RPH3A: variants seen among roughly 807,000 people sequenced by gnomAD.
RPH3A encodes rabphilin-3A.
Under a neutral mutation model 102.2 loss-of-function variants are expected in RPH3A, and 48 were observed. The ratio of observed to expected loss-of-function variants is 0.47; its 90% CI spans 0.37 to 0.60. The LOEUF is 0.60. RPH3A is among the 20% of genes least tolerant of loss of function. RPH3A has a pLI of 0.00. For synonymous variants in RPH3A, 310 were observed against 324.3 expected, an observed-to-expected ratio of 0.96 and a Z score of 0.47; for missense variants, 781 against 910.1, an observed-to-expected ratio of 0.86 and a Z score of 1.83.
At chr12:112,665,347 C>G (rs2040077051) in intron 1 of RPH3A, among the ~76,000 whole-genome samples, 1 of 152,132 alleles carries the variant, frequency 6.6e-6, no homozygotes, top group African/African-American at 2.4e-5. Flanking sequence ...AGAAACAATC[C>G]AACCCTATCT....
intron 1 of RPH3A, among the ~76,000 whole-genome samples, chr12:112,604,795 C>T (rs1338290722): frequency 6.6e-6 from 1 of 152,164 alleles, no homozygotes; most frequent in Non-Finnish European, 1.5e-5. Flanking sequence ...ATGGCACACT[C>T]ACATGATTGT....
At chr12:112,794,891 TG>T (rs1247181611) in intron 2 of RPH3A, among the ~76,000 whole-genome samples, 1 of 152,202 alleles carries the variant, frequency 6.6e-6, no homozygotes, top group Non-Finnish European at 1.5e-5. Context: ...TGTTCAGCAG[TG>T]TCTCTCCAGC....
chr12:112,692,418 T>G (rs1373075402), intron 1 of RPH3A, among the ~76,000 whole-genome samples: 2 of 152,150 alleles, frequency 1.3e-5, no homozygotes, highest in Non-Finnish European at 2.9e-5. Flanking sequence ...GCATTATATA[T>G]CCCGTAAATA....
intron 1 of RPH3A, among the ~76,000 whole-genome samples, chr12:112,662,854 G>A (rs570044165): frequency 1.6e-3 from 243 of 152,216 alleles, no homozygotes; most frequent in Middle Eastern, 0.01. Flanking sequence ...AATCATGGTG[G>A]CCCATTCTTC....
At chr12:112,627,607 G>A (rs1224558929) in intron 1 of RPH3A, among the ~76,000 whole-genome samples, 1 of 152,076 alleles carries the variant, frequency 6.6e-6, no homozygotes, top group Non-Finnish European at 1.5e-5. Context: ...ACTAGAGAAA[G>A]ATCCCTGCTC....
chr12:112,580,419 T>C (rs1395158787), intron 1 of RPH3A, among the ~76,000 whole-genome samples: 1 of 136,988 alleles, frequency 7.3e-6, no homozygotes, highest in Non-Finnish European at 1.6e-5. Context: ...TTTTTTTTTT[T>C]CTGAGATGGA....
intron 2 of RPH3A, among the ~76,000 whole-genome samples, chr12:112,796,273 G>A (rs1054135437): frequency 2.6e-5 from 4 of 152,128 alleles, no homozygotes; most frequent in African/African-American, 9.7e-5. Context: ...AATCATCCCA[G>A]GCTATAAGCT....
chr12:112,896,990 C>T lies in RPH3A; in HGVS notation c.*210C>T. ...GGGATGTGGGCTCTGAATACAGCCC[C>T]TCTCTCATCCCTGGGATGGAGCAAT... On this transcript the variant is annotated 3_prime_UTR_variant, in exon 22 of 22. Transcript: ENST00000389385. The T allele has an allele frequency of 3.6e-6, 2 of 549,414 alleles. No individual in the cohort carries two copies. The highest frequency in any genetic ancestry group is 4.7e-5 in the South Asian group (2 of 42,674). The allele number at this position is 549,414 out of a possible 1,614,324, so 34.0% of individuals were successfully genotyped here. A position where few individuals can be genotyped will look rare whatever the true frequency, so the allele number is the denominator to read the frequency against.
At chr12:112,770,963 GA>G (rs1487456190) in intron 1 of RPH3A, among the ~76,000 whole-genome samples, 2 of 152,318 alleles carry the variant, frequency 1.3e-5, no homozygotes, top group African/African-American at 4.8e-5. Flanking sequence ...TCTCCTTGTT[GA>G]GATTGGCAGG....
chr12:112,714,219 G>C (rs1261422977), intron 1 of RPH3A, among the ~76,000 whole-genome samples: 2 of 152,178 alleles, frequency 1.3e-5, no homozygotes, highest in East Asian at 3.8e-4. Context: ...TCCTTTAGGA[G>C]GGTGCCTGTA....
intron 1 of RPH3A, among the ~76,000 whole-genome samples, chr12:112,725,805 GTTGTTT>G (rs879339024): frequency 4.3e-5 from 6 of 139,380 alleles, no homozygotes; most frequent in Non-Finnish European, 9.7e-5. Flanking sequence ...TGTTGTTGTT[GTTGTTT>G]TTGAGACGGA....
intron 5 of RPH3A, among the ~76,000 whole-genome samples, chr12:112,848,995 C>T (rs1237905550): frequency 6.6e-6 from 1 of 152,144 alleles, no homozygotes; most frequent in Non-Finnish European, 1.5e-5. Flanking sequence ...TGCTGGGATA[C>T]CACCTCCACC....
At chr12:112,703,088 A>G (rs2136030144) in intron 1 of RPH3A, among the ~76,000 whole-genome samples, 1 of 152,236 alleles carries the variant, frequency 6.6e-6, no homozygotes, top group East Asian at 1.9e-4. Flanking sequence ...GCCAGTTCTG[A>G]GACTGTTTTT....
chr12:112,813,777 G>A (rs746795381), intron 2 of RPH3A, among the ~76,000 whole-genome samples: 4 of 152,188 alleles, frequency 2.6e-5, no homozygotes, highest in South Asian at 2.1e-4. Context: ...TTGAGGGAAC[G>A]GAGGCTCTGA....
At chr12:112,753,402 G>A (rs1326974640) in intron 1 of RPH3A, among the ~76,000 whole-genome samples, 1 of 152,166 alleles carries the variant, frequency 6.6e-6, no homozygotes, top group African/African-American at 2.4e-5. Context: ...TACACACAGG[G>A]GAGGCAACAA....
At chr12:112,727,167 C>A (rs568243747) in intron 1 of RPH3A, among the ~76,000 whole-genome samples, 3 of 151,988 alleles carry the variant, frequency 2.0e-5, no homozygotes, top group South Asian at 4.1e-4. Flanking sequence ...GAATTTTAGA[C>A]CCTAGTATCA....
rs559079387 is a variant in RPH3A, at chr12:112,614,983, C to T, written c.-140+39664C>T. 5.2e-4 allele frequency among the ~76,000 whole-genome samples: 79 copies of T among 152,082 alleles called. 1 individual carries two copies. The South Asian group carries it at 0.016, about 30-fold the overall frequency. On this transcript the variant is annotated intron_variant, in intron 1 of 21. Transcript: ENST00000543106. The stretch of plus-strand genomic sequence containing the variant: ...AATGCTAATATGAAAATAAGCATGA[C>T]CATGAAAGAACCCCAAAACAAAAAC...
chr12:112,795,162 C>G (rs1481278181), intron 2 of RPH3A, among the ~76,000 whole-genome samples: 1 of 152,186 alleles, frequency 6.6e-6, no homozygotes, highest in Non-Finnish European at 1.5e-5. Context: ...TTAACTCTTT[C>G]CCTCTCTGTG....
Position 112,876,692 on chromosome 12 carries a change from A to C in RPH3A, c.997A>C (p.Thr333Pro). The C allele has an allele frequency of 6.2e-7, 1 of 1,613,532 alleles. No individual in the cohort carries two copies. The change falls in exon 13 of 22, where the codon ACA becomes CCA. Residue 333 changes from threonine to proline, a missense_variant. Thr to Pro is a conservative substitution (Grantham distance 38). Transcript: ENST00000389385. ...CACTGCCCCACCCCGAGAGGAGAGA[A>C]CAGGGGGAGTCGGGGGCTACCCAGC... ...GTTAPPREER[T>P]GGVGGYPAVG... is the part of the protein sequence containing the mutation.
Sources: allele counts gnomAD v4.1 joint callset (sites outside exome capture counted in the v4.1 genomes callset), GRCh38; gene constraint gnomAD v4.1.1; transcripts MANE v1.5; gene names NCBI Gene and HGNC (gene_info 2026-07-23, HGNC 2026-07-21).